The following PPP6R3 variants were observed in gnomAD, a reference collection of about 807,000 sequenced individuals.
The protein encoded by PPP6R3 is serine/threonine-protein phosphatase 6 regulatory subunit 3.
A neutral mutation model predicts 110.7 loss-of-function variants in PPP6R3; 38 were observed. The ratio of observed to expected loss-of-function variants is 0.34; its 90% confidence interval spans 0.26 to 0.45. The LOEUF (loss-of-function observed/expected upper bound fraction) is 0.45. PPP6R3 is among the 20% of genes least tolerant of loss of function. The probability of loss-of-function intolerance (pLI) is 1.00; values close to 1 mark genes in which losing one functional copy is unlikely to be tolerated. For missense variants in PPP6R3, 870 were observed against 1,062.4 expected (o/e 0.82, Z 2.52); for synonymous variants, 369 against 373.5 (o/e 0.99, Z 0.14).
At chr11:68,557,590 C>T (rs1449598844) in intron 7 of PPP6R3, among the ~76,000 whole-genome samples, 1 of 152,134 alleles carries the variant, frequency 6.6e-6, no homozygotes, top group East Asian at 1.9e-4. Flanking sequence ...GCGATCTCAG[C>T]TTACCGCAAC....
chr11:68,608,300 A>C (rs924699354), intron 22 of PPP6R3, among the ~76,000 whole-genome samples: 1 of 152,252 alleles, frequency 6.6e-6, no homozygotes, highest in Non-Finnish European at 1.5e-5. Flanking sequence ...CTTAAAAGCT[A>C]AAACAAACAA....
intron 14 of PPP6R3, among the ~76,000 whole-genome samples, chr11:68,577,310 G>A (rs964601533): frequency 3.9e-5 from 6 of 151,962 alleles, no homozygotes; most frequent in African/African-American, 1.5e-4. Flanking sequence ...GGTTTTTTTT[G>A]TAGAATGGAA....
At position 68,517,807 on chromosome 11, in the gene PPP6R3, G is replaced by A. The variant is rs143422267; in HGVS notation, c.-157-1694G>A. Among the ~76,000 whole-genome samples, 407 of 152,122 alleles carry A rather than the reference G, an allele frequency of 2.7e-3. 4 individuals are homozygous for A. The highest frequency in any genetic ancestry group is 8.5e-3 in the African/African-American group (353 of 41,504). ...ATAAAAATTAAGCAGGCATGTTGGC[G>A]GTTGCTTCTAATCCCAGCTACTCAG... On this transcript the variant is annotated intron_variant, in intron 1 of 23. Coordinates refer to ENST00000393800, the MANE Select transcript of PPP6R3 (RefSeq NM_001164161.2).
intron 1 of PPP6R3, among the ~76,000 whole-genome samples, chr11:68,498,533 G>A (rs887142452): frequency 6.6e-6 from 1 of 152,218 alleles, no homozygotes. Flanking sequence ...TCTAGGGGCA[G>A]CCGGTATTCT....
At chr11:68,596,910 C>A (rs1287443215) in intron 19 of PPP6R3, among the ~76,000 whole-genome samples, 1 of 152,198 alleles carries the variant, frequency 6.6e-6, no homozygotes, top group Admixed American at 6.5e-5. Context: ...TAGGGTGGAC[C>A]TTGTGGTGAC....
At chr11:68,573,114 T>TATATATATATATATATA (rs1555173816) in intron 12 of PPP6R3, among the ~76,000 whole-genome samples, 1 of 61,796 alleles carries the variant, frequency 1.6e-5, no homozygotes, top group Non-Finnish European at 2.7e-5. Context: ...TTTACTTATT[T>TATATATATATATATATA]TATATATATA....
chr11:68,488,626 C>T (rs1011215266), intron 1 of PPP6R3: 2 of 152,738 alleles, frequency 1.3e-5, no homozygotes, highest in African/African-American at 4.8e-5. Context: ...AGCTTGGGCC[C>T]TAGAGCACCT....
At chr11:68,496,272 C>T (rs146861535) in intron 1 of PPP6R3, among the ~76,000 whole-genome samples, 1,558 of 151,824 alleles carry the variant, frequency 0.01, 10 homozygotes, top group African/African-American at 0.012. Context: ...TCTCTCCTCT[C>T]GCCTTGGCTT....
intron 2 of PPP6R3, among the ~76,000 whole-genome samples, chr11:68,521,033 A>G (rs2099161919): frequency 1.3e-5 from 2 of 152,080 alleles, no homozygotes; most frequent in South Asian, 4.2e-4. Flanking sequence ...AGGCCTCCCA[A>G]AGTGCTGGTA....
At chr11:68,462,676 G>A (rs1354414916) in intron 1 of PPP6R3, among the ~76,000 whole-genome samples, 1 of 152,186 alleles carries the variant, frequency 6.6e-6, no homozygotes, top group Non-Finnish European at 1.5e-5. Context: ...TGTCTGGTCA[G>A]GGAGTCTAGA....
chr11:68,548,236 G>T (rs2099356842), intron 5 of PPP6R3, 32 bp downstream of exon 5: 1 of 1,612,184 alleles, frequency 6.2e-7, no homozygotes, highest in African/African-American at 1.3e-5. Flanking sequence ...TGTTGACTGG[G>T]GTTAGGGTGC....
intron 1 of PPP6R3, among the ~76,000 whole-genome samples, chr11:68,476,173 A>G (rs577880135): frequency 1.3e-5 from 2 of 152,340 alleles, no homozygotes; most frequent in East Asian, 3.9e-4. Flanking sequence ...CCTGGGCAAC[A>G]TTGAGCACTG....
chr11:68,581,364 C>G (rs2099553847), intron 14 of PPP6R3, among the ~76,000 whole-genome samples: 1 of 152,132 alleles, frequency 6.6e-6, no homozygotes, highest in African/African-American at 2.4e-5. Context: ...GTGTTAAAAT[C>G]TTATTTTGTA....
intron 1 of PPP6R3, among the ~76,000 whole-genome samples, chr11:68,502,142 A>AG (rs2099051987): frequency 6.6e-6 from 1 of 152,242 alleles, no homozygotes; most frequent in African/African-American, 2.4e-5. Flanking sequence ...AAGACAATGC[A>AG]GGCTATGTAT....
intron 1 of PPP6R3, among the ~76,000 whole-genome samples, chr11:68,512,941 G>A (rs904797165): frequency 6.6e-6 from 1 of 152,104 alleles, no homozygotes; most frequent in Non-Finnish European, 1.5e-5. Flanking sequence ...AGTGGGCTGC[G>A]GGGAAGATCT....
intron 3 of PPP6R3, among the ~76,000 whole-genome samples, chr11:68,540,690 A>AG (rs56316643): frequency 0.23 from 34,867 of 151,956 alleles, 4,261 homozygotes; most frequent in Middle Eastern, 0.32. Flanking sequence ...GACCACACCC[A>AG]GGGGGGCCAG....
chr11:68,478,888 C>G (rs952774158), intron 1 of PPP6R3, among the ~76,000 whole-genome samples: 9 of 151,826 alleles, frequency 5.9e-5, no homozygotes, highest in Admixed American at 4.6e-4. Flanking sequence ...CATCTCCTGA[C>G]ATCGTGATCC....
intron 23 of PPP6R3, among the ~76,000 whole-genome samples, chr11:68,611,700 G>A (rs1263947209): frequency 6.6e-6 from 1 of 152,208 alleles, no homozygotes; most frequent in Non-Finnish European, 1.5e-5. Context: ...ACGAAGAAGG[G>A]ACAGGGGTCC....
intron 6 of PPP6R3, among the ~76,000 whole-genome samples, chr11:68,553,867 G>A (rs1044743211): frequency 6.6e-6 from 1 of 152,082 alleles, no homozygotes; most frequent in Non-Finnish European, 1.5e-5. Context: ...TGCTCAATCT[G>A]TATTTTTTCC....
Sources: allele counts gnomAD v4.1 joint callset (sites outside exome capture counted in the v4.1 genomes callset), GRCh38; gene constraint gnomAD v4.1.1; transcripts MANE v1.5; gene names NCBI Gene and HGNC (gene_info 2026-07-23, HGNC 2026-07-21).